The following PHACTR3 variants were observed in gnomAD, a reference collection of about 807,000 sequenced individuals.
PHACTR3 encodes protein phosphatase 1, regulatory subunit 123.
A neutral mutation model predicts 66.8 loss-of-function variants in PHACTR3; 16 were observed. The ratio of observed to expected loss-of-function variants is 0.24; its 90% CI spans 0.16 to 0.36. The LOEUF (loss-of-function observed/expected upper bound fraction) is 0.36. PHACTR3 is among the 10% of genes least tolerant of loss of function. PHACTR3 has a pLI of 1.00. For missense variants in PHACTR3, 647 were observed against 719.9 expected, an observed-to-expected ratio of 0.90 and a Z score of 1.16; for synonymous variants, 323 against 292.1, an observed-to-expected ratio of 1.11 and a Z score of -1.08.
chr20:59,756,053 C>CT (rs147469055), intron 4 of PHACTR3, among the ~76,000 whole-genome samples: 3,398 of 152,172 alleles, frequency 0.022, 60 homozygotes, highest in Non-Finnish European at 0.035. Flanking sequence ...GCAGTAGGGG[C>CT]TTTGCGTAGT....
chr20:59,626,803 C>G (rs1027190920), intron 1 of PHACTR3: 2 of 152,246 alleles, frequency 1.3e-5, no homozygotes, highest in Admixed American at 1.3e-4. Flanking sequence ...GCAGGTTGTT[C>G]ACAGCAGATG....
intron 9 of PHACTR3, among the ~76,000 whole-genome samples, chr20:59,837,486 G>A (rs748315214): frequency 6.6e-6 from 1 of 152,052 alleles, no homozygotes; most frequent in Non-Finnish European, 1.5e-5. Context: ...TTCATTAACT[G>A]CCTAAAACAA....
At chr20:59,840,236 A>C in intron 9 of PHACTR3, 133 bp from the exon 10 acceptor site, 1 of 1,387,396 alleles carries the variant, frequency 7.2e-7, no homozygotes, top group Non-Finnish European at 9.6e-7. Flanking sequence ...GGAAGAAAAC[A>C]CCATGAGTGA....
intron 7 of PHACTR3, among the ~76,000 whole-genome samples, chr20:59,803,785 T>C (rs1027344660): frequency 1.3e-5 from 2 of 152,244 alleles, no homozygotes; most frequent in Non-Finnish European, 2.9e-5. Flanking sequence ...TCCTTTCATG[T>C]ACTTTTTATG....
chr20:59,834,910 G>A lies in PHACTR3; in HGVS notation c.1329-1595G>A, dbSNP rs111556490. On this transcript the variant is annotated intron_variant, in intron 8 of 12. Transcript: ENST00000371015. Reference sequence around the variant, plus strand: ...AGCCGCATACATAAAATACACTAACGATAGGTGATTAGCTAAAAATAATTG... The same window carrying A: ...AGCCGCATACATAAAATACACTAACAATAGGTGATTAGCTAAAAATAATTG... Among the ~76,000 whole-genome samples, 543 of 152,296 alleles carry A rather than the reference G, an allele frequency of 3.6e-3. 1 individual carries two copies. The highest frequency in any genetic ancestry group is 5.2e-3 in the Non-Finnish European group (351 of 68,030).
chr20:59,580,868 A>T (rs1023887165), intron 1 of PHACTR3, among the ~76,000 whole-genome samples: 1 of 152,198 alleles, frequency 6.6e-6, no homozygotes, highest in African/African-American at 2.4e-5. Flanking sequence ...GACTAGACAC[A>T]CAGAAGCAAA....
chr20:59,671,998 C>G (rs186660066), intron 1 of PHACTR3, among the ~76,000 whole-genome samples: 326 of 152,380 alleles, frequency 2.1e-3, no homozygotes, highest in African/African-American at 7.4e-3. Flanking sequence ...TGTGGCCCAT[C>G]AGGCCTCAGC....
intron 4 of PHACTR3, among the ~76,000 whole-genome samples, chr20:59,763,464 C>A (rs902683457): frequency 6.6e-6 from 1 of 152,178 alleles, no homozygotes; most frequent in Admixed American, 6.5e-5. Flanking sequence ...TGTTCAATAA[C>A]ATTTGCAAGA....
At chr20:59,735,943 T>C (rs1358978273) in intron 1 of PHACTR3, among the ~76,000 whole-genome samples, 1 of 152,150 alleles carries the variant, frequency 6.6e-6, no homozygotes, top group African/African-American at 2.4e-5. Context: ...CCGTCAGTCC[T>C]AGAACAGTTC....
chr20:59,619,529 G>A (rs1220130117), intron 1 of PHACTR3, among the ~76,000 whole-genome samples: 2 of 152,064 alleles, frequency 1.3e-5, no homozygotes, highest in Admixed American at 6.5e-5. Context: ...GCACCCCACT[G>A]CTACACTGAT....
chr20:59,737,366 A>G (rs1327015457), intron 1 of PHACTR3, among the ~76,000 whole-genome samples: 1 of 152,156 alleles, frequency 6.6e-6, no homozygotes, highest in Non-Finnish European at 1.5e-5. Context: ...TGTTGCTGGC[A>G]CTGGAGATAC....
intron 1 of PHACTR3, among the ~76,000 whole-genome samples, chr20:59,650,146 A>T (rs552356261): frequency 6.6e-6 from 1 of 152,330 alleles, no homozygotes; most frequent in South Asian, 2.1e-4. Flanking sequence ...CACATGAAAC[A>T]AAGAAATATT....
intron 4 of PHACTR3, among the ~76,000 whole-genome samples, chr20:59,761,136 G>A (rs1453229164): frequency 6.6e-6 from 1 of 152,116 alleles, no homozygotes; most frequent in Non-Finnish European, 1.5e-5. Context: ...CAGGCTTCAG[G>A]TCAGATACTG....
chr20:59,781,499 G>A (rs1177682135), intron 7 of PHACTR3, among the ~76,000 whole-genome samples: 1 of 152,244 alleles, frequency 6.6e-6, no homozygotes, highest in African/African-American at 2.4e-5. Context: ...CCCTTGTCAG[G>A]TTGTCCTGGG....
intron 7 of PHACTR3, among the ~76,000 whole-genome samples, chr20:59,799,083 T>G (rs937270707): frequency 9.9e-5 from 15 of 151,988 alleles, no homozygotes; most frequent in South Asian, 4.2e-4. Flanking sequence ...AATATGTGGG[T>G]TTTTTTAGAG....
chr20:59,823,126 T>C (rs2042096087), intron 8 of PHACTR3, among the ~76,000 whole-genome samples: 1 of 152,150 alleles, frequency 6.6e-6, no homozygotes, highest in Non-Finnish European at 1.5e-5. Flanking sequence ...GTGGGGAGCA[T>C]TACGTATTCT....
chr20:59,789,675 A>G (rs1053658540), intron 7 of PHACTR3, among the ~76,000 whole-genome samples: 3 of 152,270 alleles, frequency 2.0e-5, no homozygotes, highest in African/African-American at 7.2e-5. Flanking sequence ...TGGAAGTTCT[A>G]GAATTAAAAG....
At chr20:59,740,785 A>G (rs1433235077) in intron 1 of PHACTR3, among the ~76,000 whole-genome samples, 4 of 152,198 alleles carry the variant, frequency 2.6e-5, no homozygotes, top group Admixed American at 2.6e-4. Context: ...GAAGCTCTAG[A>G]GGCTGCCAGG....
rs545106229 is a variant in PHACTR3, at chr20:59,775,276, G to A, written c.1174+786G>A. Among the ~76,000 whole-genome samples the A allele has an allele frequency of 1.3e-4, 20 of 152,284 alleles. 1 individual carries two copies. In the South Asian group the frequency reaches 2.3e-3, roughly 17 times the overall value. ...AGTCCCAGGAAGGTCCAGGGCGGCC[G>A]TGGTGTTTGGCCTGCAAGGGAAGGA... is the stretch of plus-strand genomic sequence containing the variant. On this transcript the variant is annotated intron_variant, in intron 7 of 12. Transcript: ENST00000371015.
Sources: gnomAD v4.1 joint callset for allele counts (sites outside exome capture counted in the v4.1 genomes callset) on GRCh38, gnomAD v4.1.1 for gene constraint, MANE v1.5 for transcripts, NCBI Gene and HGNC (gene_info 2026-07-23, HGNC 2026-07-21) for gene names.